Variants in NTM observed in about 807,000 individuals in gnomAD.
The protein encoded by NTM is neurotrimin.
In NTM, 13 loss-of-function variants were observed where a neutral mutation model predicts 42.1. The ratio of observed to expected loss-of-function variants is 0.31; its 90% CI spans 0.20 to 0.49. The LOEUF (loss-of-function observed/expected upper bound fraction) is 0.49, where lower values mean the gene tolerates loss of function less well. Among genes scored for constraint, NTM ranks in the 20% least tolerant of loss-of-function variants. The pLI, the probability that NTM is intolerant of heterozygous loss-of-function variation, is 0.99. For missense variants in NTM, 373 were observed against 452.8 expected (o/e 0.82, Z 1.60); for synonymous variants, 187 against 179.2 (o/e 1.04, Z -0.35).
At chr11:132,283,352 T>C (rs1016291669) in intron 4 of NTM, among the ~76,000 whole-genome samples, 9 of 152,160 alleles carry the variant, frequency 5.9e-5, no homozygotes, top group African/African-American at 2.2e-4. Context: ...TTTTTCCAAG[T>C]TGGTAAAATC....
At chr11:131,630,037 A>G (rs2137760197) in intron 1 of NTM, among the ~76,000 whole-genome samples, 1 of 152,212 alleles carries the variant, frequency 6.6e-6, no homozygotes. Flanking sequence ...AGCAGTACAA[A>G]GGGAGGAGGA....
At position 131,593,521 on chromosome 11, in the gene NTM, G is replaced by A. The variant is rs759178992; in HGVS notation, c.82+222633G>A. ...CCAAGTGTAAAGGCTCCCCTGCCCC[G>A]CCCCCCTGCCATAGCATGCACTGTT... is the stretch of plus-strand genomic sequence containing the variant. On this transcript the variant is annotated intron_variant, in intron 1 of 8. Coordinates refer to ENST00000683400, the MANE Select transcript of NTM (RefSeq NM_001352005.2). 5.3e-5 allele frequency among the ~76,000 whole-genome samples: 8 copies of A among 152,098 alleles called. No individual in the cohort carries two copies. In the South Asian group the frequency reaches 6.2e-4, roughly 12 times the overall value.
At chr11:131,942,868 C>T (rs1271824677) in intron 2 of NTM, among the ~76,000 whole-genome samples, 2 of 151,696 alleles carry the variant, frequency 1.3e-5, no homozygotes, top group African/African-American at 4.8e-5. Flanking sequence ...ATCACTTGAG[C>T]CTGGAAGGTG....
At chr11:132,217,931 T>C (rs2084262786) in intron 4 of NTM, among the ~76,000 whole-genome samples, 1 of 152,072 alleles carries the variant, frequency 6.6e-6, no homozygotes. Context: ...TGACAAGGCC[T>C]TCTCCTAGCC....
chr11:131,774,080 A>G, intron 1 of NTM: 2 of 985,160 alleles, frequency 2.0e-6, no homozygotes, highest in Non-Finnish European at 2.4e-6. Context: ...ATGTTGTTCC[A>G]AAATTGCTCT....
At chr11:132,219,023 G>A (rs1449435) in intron 4 of NTM, among the ~76,000 whole-genome samples, 55,676 of 151,870 alleles carry the variant, frequency 0.37, 10,719 homozygotes, top group Middle Eastern at 0.54. Context: ...GAACCCTGGC[G>A]TTTTCATGAT....
chr11:132,200,046 G>A (rs1024076880), intron 3 of NTM, among the ~76,000 whole-genome samples: 8 of 152,190 alleles, frequency 5.3e-5, no homozygotes, highest in Non-Finnish European at 8.8e-5. Context: ...TGCCACTCTC[G>A]CTGAGAACTT....
At chr11:131,741,531 G>A (rs1246222978) in intron 1 of NTM, among the ~76,000 whole-genome samples, 3 of 152,174 alleles carry the variant, frequency 2.0e-5, no homozygotes, top group African/African-American at 7.2e-5. Flanking sequence ...GGATTTTCCG[G>A]TAGAAATGTA....
intron 1 of NTM, among the ~76,000 whole-genome samples, chr11:131,436,879 G>A (rs1042693227): frequency 6.6e-6 from 1 of 152,098 alleles, no homozygotes; most frequent in Non-Finnish European, 1.5e-5. Context: ...TGATGTTAGG[G>A]TGTCAATTTT....
intron 1 of NTM, among the ~76,000 whole-genome samples, chr11:131,748,698 G>A (rs878981104): frequency 4.6e-5 from 7 of 152,164 alleles, no homozygotes; most frequent in Non-Finnish European, 8.8e-5. Flanking sequence ...GTTCCCAGGG[G>A]GGTGCAATTC....
At chr11:132,295,888 C>T (rs143927310) in intron 4 of NTM, among the ~76,000 whole-genome samples, 156 of 152,112 alleles carry the variant, frequency 1.0e-3, no homozygotes, top group Non-Finnish European at 1.9e-3. Flanking sequence ...CGTGGAGACT[C>T]ATAAAGAGGA....
chr11:131,371,006 C>A (rs1941091408), intron 1 of NTM, 118 bp downstream of exon 1: 1 of 1,516,822 alleles, frequency 6.6e-7, no homozygotes, highest in African/African-American at 1.4e-5. Flanking sequence ...GAGGAGAGAG[C>A]GTTTAGACAG....
chr11:132,065,305 G>C (rs537940338), intron 2 of NTM, among the ~76,000 whole-genome samples: 1 of 152,170 alleles, frequency 6.6e-6, no homozygotes, highest in Non-Finnish European at 1.5e-5. Flanking sequence ...ACATTTTCCT[G>C]CTGTTGAGTA....
intron 7 of NTM, among the ~76,000 whole-genome samples, chr11:132,318,221 G>A (rs2095480244): frequency 6.6e-6 from 1 of 152,174 alleles, no homozygotes; most frequent in South Asian, 2.1e-4. Flanking sequence ...GTTAGGGCCT[G>A]ACGTCCAGTA....
At chr11:131,971,267 C>T (rs524254) in intron 2 of NTM, among the ~76,000 whole-genome samples, 92,027 of 151,890 alleles carry the variant, frequency 0.61, 28,178 homozygotes, top group East Asian at 0.74. Flanking sequence ...ACCATGTTCA[C>T]GGGTGTAAAA....
chr11:131,443,751 T>G (rs545599516), intron 1 of NTM, among the ~76,000 whole-genome samples: 1 of 152,306 alleles, frequency 6.6e-6, no homozygotes, highest in East Asian at 1.9e-4. Context: ...TCTTAAGATG[T>G]CTTTATCTGT....
At chr11:131,466,019 G>A (rs1486865270) in intron 1 of NTM, among the ~76,000 whole-genome samples, 1 of 152,222 alleles carries the variant, frequency 6.6e-6, no homozygotes, top group African/African-American at 2.4e-5. Context: ...AGGCAAAGCA[G>A]GATGTGTGTC....
chr11:132,036,684 C>G (rs1035838477), intron 2 of NTM, among the ~76,000 whole-genome samples: 2 of 152,164 alleles, frequency 1.3e-5, no homozygotes, highest in Non-Finnish European at 2.9e-5. Context: ...CTTTTAATAG[C>G]ACAAGTACTG....
At chr11:132,182,562 A>G (rs2077731131) in intron 3 of NTM, among the ~76,000 whole-genome samples, 1 of 152,224 alleles carries the variant, frequency 6.6e-6, no homozygotes, top group Admixed American at 6.5e-5. Flanking sequence ...GCACACAATG[A>G]TGGTAAGGTG....
Sources: allele counts gnomAD v4.1 joint callset (sites outside exome capture counted in the v4.1 genomes callset), GRCh38; gene constraint gnomAD v4.1.1; transcripts MANE v1.5; gene names NCBI Gene and HGNC (gene_info 2026-07-23, HGNC 2026-07-21).